Variants in CFAP251 observed in about 807,000 individuals in gnomAD.
The protein encoded by CFAP251 is cilia- and flagella-associated protein 251.
CFAP251 carries 93 observed loss-of-function variants against 126.7 expected under a neutral mutation model. The observed-to-expected ratio is 0.73, with a 90% CI of 0.62 to 0.87. The LOEUF (loss-of-function observed/expected upper bound fraction) is 0.87, where lower values mean the gene tolerates loss of function less well. Ranked by LOEUF, CFAP251 falls within the 40% of genes least tolerant of loss-of-function variation. The probability of loss-of-function intolerance (pLI) is 0.00; values close to 1 mark genes in which losing one functional copy is unlikely to be tolerated. For missense variants in CFAP251, 1,287 were observed against 1,389.2 expected (o/e 0.93, Z 1.17); for synonymous variants, 503 against 506.9 (o/e 0.99, Z 0.10).
At chr12:121,924,406 C>T (rs1483968753) in intron 3 of CFAP251, among the ~76,000 whole-genome samples, 1 of 149,260 alleles carries the variant, frequency 6.7e-6, no homozygotes, top group Non-Finnish European at 1.5e-5. Context: ...TGAGCCACCA[C>T]GCCCGGCCTA....
chr12:121,942,691 C>T (rs1212133000), intron 6 of CFAP251, 46 bp downstream of exon 6: 1 of 1,482,448 alleles, frequency 6.7e-7, no homozygotes, highest in East Asian at 2.3e-5. Context: ...GCTGGCCGAC[C>T]TGTGCAGCGT....
chr12:121,946,255 G>C (rs991799295), intron 7 of CFAP251, among the ~76,000 whole-genome samples: 1 of 152,200 alleles, frequency 6.6e-6, no homozygotes, highest in African/African-American at 2.4e-5. Context: ...TTGTTGAATA[G>C]TAGTGCATTG....
At chr12:121,941,524 G>A (rs1881117041) in intron 5 of CFAP251, among the ~76,000 whole-genome samples, 1 of 151,858 alleles carries the variant, frequency 6.6e-6, no homozygotes, top group Admixed American at 6.6e-5. Flanking sequence ...GGTAGAGATA[G>A]GGTTTTGCCA....
chr12:121,988,008 G>T (rs895563733), intron 19 of CFAP251, among the ~76,000 whole-genome samples: 1 of 151,806 alleles, frequency 6.6e-6, no homozygotes, highest in South Asian at 2.1e-4. Context: ...TCCATTGTTA[G>T]AATTTTTCAT....
intron 15 of CFAP251, among the ~76,000 whole-genome samples, chr12:121,965,698 T>C (rs1882096821): frequency 6.6e-6 from 1 of 152,214 alleles, no homozygotes; most frequent in Non-Finnish European, 1.5e-5. Context: ...ATAATTCTAT[T>C]TTTATATAAA....
chr12:121,992,941 A>G (rs1441331115), intron 19 of CFAP251, among the ~76,000 whole-genome samples: 2 of 150,490 alleles, frequency 1.3e-5, no homozygotes, highest in Non-Finnish European at 3.0e-5. Context: ...TATAATCACA[A>G]GAGCTCTCCC....
chr12:121,928,677 T>TACGTATAC (rs1555215956), intron 3 of CFAP251, among the ~76,000 whole-genome samples: 1 of 42,136 alleles, frequency 2.4e-5, no homozygotes, highest in African/African-American at 5.6e-5. Flanking sequence ...TACGTATATA[T>TACGTATAC]ATATATATAT....
At position 121,999,875 on chromosome 12, in the gene CFAP251, G is replaced by A. The variant is rs868354554; in HGVS notation, c.3166G>A (p.Gly1056Ser). The A allele has an allele frequency of 3.7e-6, 6 of 1,614,114 alleles. No homozygotes were observed. Among genetic ancestry groups the A allele is most frequent in the African/African-American group, 2.7e-5 (2 of 75,036 alleles). ...SGIHKSFEVL[G>S]YTNSKGKKAI... The stretch of plus-strand genomic sequence containing the variant: ...CATCCACAAGAGCTTTGAGGTGCTC[G>A]GTTATACCAACTCCAAAGGGAAAAA... Residue 1056 changes from glycine to serine, a missense_variant, in exon 20 of 22, where the codon GGT becomes AGT. Coordinates refer to ENST00000288912, the MANE Select transcript of CFAP251 (RefSeq NM_144668.6).
At chr12:121,941,092 G>A (rs187998856) in intron 5 of CFAP251, among the ~76,000 whole-genome samples, 2 of 151,968 alleles carry the variant, frequency 1.3e-5, no homozygotes, top group Non-Finnish European at 2.9e-5. Flanking sequence ...GTGCAATGGT[G>A]TAATCTTGGC....
In CFAP251 at chr12:121,978,684, G is replaced by A. The variant is rs116211489; in HGVS notation, c.3006+2999G>A. ...ATGCGTGTGCATATACATATGTATC[G>A]ACATTCTCAGTAACTTGTTTTGTGA... is the stretch of plus-strand genomic sequence containing the variant. On this transcript the variant is annotated intron_variant, in intron 19 of 21. Coordinates refer to ENST00000288912, the MANE Select transcript of CFAP251 (RefSeq NM_144668.6). 1.7e-3 allele frequency among the ~76,000 whole-genome samples: 264 copies of A among 151,908 alleles called. 1 individual carries two copies. Among genetic ancestry groups the A allele is most frequent in the African/African-American group, 6.2e-3 (256 of 41,398 alleles).
At chr12:121,987,727 A>G (rs544300977) in intron 19 of CFAP251, among the ~76,000 whole-genome samples, 22 of 152,184 alleles carry the variant, frequency 1.4e-4, no homozygotes, top group Non-Finnish European at 2.9e-4. Flanking sequence ...AAAAAAAAAA[A>G]AAAAAAGAAT....
chr12:121,940,410 T>G (rs903801088), intron 5 of CFAP251, among the ~76,000 whole-genome samples: 5 of 152,160 alleles, frequency 3.3e-5, no homozygotes, highest in African/African-American at 1.2e-4. Context: ...GTTTCTCCAG[T>G]GACAGAGAAC....
intron 3 of CFAP251, among the ~76,000 whole-genome samples, chr12:121,926,104 A>G (rs970018581): frequency 1.4e-5 from 2 of 145,864 alleles, no homozygotes; most frequent in Admixed American, 7.1e-5. Flanking sequence ...TGACCATGCA[A>G]TCTGCCCGCC....
At chr12:121,969,608 C>G (rs557806350) in intron 17 of CFAP251, 1 of 788,510 alleles carries the variant, frequency 1.3e-6, no homozygotes, top group South Asian at 5.8e-5. Context: ...GCCTCAGCCT[C>G]CTGAGTAGCT....
At chr12:121,976,938 T>G (rs1232089932) in intron 19 of CFAP251, among the ~76,000 whole-genome samples, 1 of 152,132 alleles carries the variant, frequency 6.6e-6, no homozygotes, top group Non-Finnish European at 1.5e-5. Flanking sequence ...AAAGTACAAT[T>G]TATTGTATTT....
Position 121,974,818 on chromosome 12 carries a change from G to T in CFAP251, c.2772-426G>T, listed in dbSNP as rs1882416202. Among the ~76,000 whole-genome samples the T allele has an allele frequency of 6.6e-6, 1 of 152,154 alleles. No individual in the cohort carries two copies. Among genetic ancestry groups the T allele is most frequent in the East Asian group, 1.9e-4 (1 of 5,192 alleles). Reference sequence around the variant, plus strand: ...CTGAGTTTTTATGGAAGCAATTAGTGTTGGCAGTTCACTTGTACAATATCC... The same window carrying T: ...CTGAGTTTTTATGGAAGCAATTAGTTTTGGCAGTTCACTTGTACAATATCC... On this transcript the variant is annotated intron_variant, in intron 17 of 21. Transcript: ENST00000288912. The surrounding 1 kb of genome is among the most constrained non-coding windows in gnomAD (Gnocchi z 4.6).
At position 121,968,075 on chromosome 12, in the gene CFAP251, G is replaced by T; in HGVS notation, c.2677G>T (p.Gly893Trp). 1 of 1,613,698 alleles carries T rather than the reference G, an allele frequency of 6.2e-7. No individual in the cohort carries two copies. Among genetic ancestry groups the T allele is most frequent in the African/African-American group, 1.3e-5 (1 of 75,050 alleles). ...KTSAIVCHPN[G>W]VAGMAVSYDG... ...ATCTGCTATTGTTTGCCACCCGAAC[G>T]GGGTGGCCGGCATGGCCGTTTCCTA... The change falls in exon 17 of 22, where the codon GGG (glycine) becomes TGG (tryptophan). Residue 893 changes from glycine (G) to tryptophan (W), a missense_variant. Gly to Trp is a radical substitution (Grantham distance 184, BLOSUM62 -2). Coordinates refer to ENST00000288912, the MANE Select transcript of CFAP251 (RefSeq NM_144668.6).
Position 121,926,001 on chromosome 12 carries a change from C to T in CFAP251, c.747+2011C>T, listed in dbSNP as rs957987735. Reference sequence around the variant, plus strand: ...CTGGGACTACAGGCATGCACCACCACGCCCAGCTAATTTTTTGTAATTTTT... The same window carrying T: ...CTGGGACTACAGGCATGCACCACCATGCCCAGCTAATTTTTTGTAATTTTT... On this transcript the variant is annotated intron_variant, in intron 3 of 21. Transcript: ENST00000288912. Among the ~76,000 whole-genome samples the T allele has an allele frequency of 9.3e-5, 14 of 150,704 alleles. 1 individual carries two copies. The highest frequency in any genetic ancestry group is 1.5e-4 in the Non-Finnish European group (10 of 67,816).
At chr12:121,972,476 A>G (rs2135797126) in intron 17 of CFAP251, among the ~76,000 whole-genome samples, 1 of 151,854 alleles carries the variant, frequency 6.6e-6, no homozygotes, top group African/African-American at 2.4e-5. Context: ...GATTTAAGAT[A>G]TCTGGTAGAG....
Sources: allele counts gnomAD v4.1 joint callset (sites outside exome capture counted in the v4.1 genomes callset), GRCh38; gene constraint gnomAD v4.1.1; non-coding constraint Gnocchi (gnomAD v3.1); transcripts MANE v1.5; gene names NCBI Gene and HGNC (gene_info 2026-07-23, HGNC 2026-07-21).